Variants in PPM1F observed in about 807,000 individuals in gnomAD.
The protein encoded by PPM1F is protein phosphatase 1F.
A neutral mutation model predicts 35.5 loss-of-function variants in PPM1F; 17 were observed. That is an observed-to-expected ratio of 0.48 (90% CI 0.33 to 0.72). The LOEUF (loss-of-function observed/expected upper bound fraction) is 0.72, where lower values mean the gene tolerates loss of function less well. Among genes scored for constraint, PPM1F ranks in the 30% least tolerant of loss-of-function variants. The pLI, the probability that PPM1F is intolerant of heterozygous loss-of-function variation, is 0.02. For synonymous variants in PPM1F, 241 were observed against 255.5 expected, an observed-to-expected ratio of 0.94 and a Z score of 0.54; for missense variants, 521 against 613.0, an observed-to-expected ratio of 0.85 and a Z score of 1.59.
At chr22:21,947,265 T>G (rs1010026987) in intron 1 of PPM1F, 3 of 152,652 alleles carry the variant, frequency 2.0e-5, no homozygotes, top group African/African-American at 7.2e-5. Context: ...CCCCGGGGAT[T>G]CACCTCCAGG....
At chr22:21,944,799 G>A (rs1026053108) in intron 2 of PPM1F, 2 of 152,264 alleles carry the variant, frequency 1.3e-5, no homozygotes, top group Non-Finnish European at 2.9e-5. Context: ...GGTCTTCCAA[G>A]GAAAGGACCT....
At chr22:21,935,113 T>C (rs1601784781) in intron 3 of PPM1F, 2 of 152,274 alleles carry the variant, frequency 1.3e-5, no homozygotes, top group South Asian at 2.1e-4. Context: ...AGCCTAGATG[T>C]CCTTCAACGT....
chr22:21,933,899 A>G (rs2070625687), intron 4 of PPM1F, 125 bp downstream of exon 4: 2 of 949,578 alleles, frequency 2.1e-6, no homozygotes, highest in East Asian at 5.3e-5. Flanking sequence ...CTGGGCAAGT[A>G]CAGGGGCTGA....
intron 3 of PPM1F, chr22:21,938,094 G>C (rs1177399093): frequency 1.2e-5 from 16 of 1,290,394 alleles, no homozygotes; most frequent in Non-Finnish European, 1.5e-5. Flanking sequence ...AGACGGGGAA[G>C]CAAGGGCAGG....
At chr22:21,947,840 C>G (rs1452804871) in intron 1 of PPM1F, 2 of 152,138 alleles carry the variant, frequency 1.3e-5, no homozygotes, top group Admixed American at 1.3e-4. Context: ...TTGGAACAAG[C>G]CTTCTGGAAG....
chr22:21,934,593 A>G (rs1282067909), intron 3 of PPM1F: 1 of 197,604 alleles, frequency 5.1e-6, no homozygotes, highest in African/African-American at 2.4e-5. Flanking sequence ...TTAAATTATG[A>G]TCTAGTCTCG....
In PPM1F at chr22:21,938,438, G is replaced by A. The variant is rs574214835; in HGVS notation, c.355+1094C>T. ...AATGCGGGCAGGGAGCCAGGGCGGAGGGCAGAGGACGAGAGCGAGGAGGAG... is the reference window on the plus strand; with the variant it reads ...AATGCGGGCAGGGAGCCAGGGCGGAAGGCAGAGGACGAGAGCGAGGAGGAG... On this transcript the variant is annotated intron_variant, in intron 3 of 7. Coordinates refer to ENST00000263212, the MANE Select transcript of PPM1F (RefSeq NM_014634.4). The A allele has an allele frequency of 1.6e-5, 19 of 1,153,072 alleles. No individual in the cohort carries two copies. In the Admixed American group the frequency reaches 5.8e-4, roughly 35 times the overall value. The allele number at this position is 1,153,072 out of a possible 1,614,324, so 71.4% of individuals were successfully genotyped here.
rs1299120264 is a variant in PPM1F at position 21,923,282 on chromosome 22, T to G, written c.1175A>C (p.Glu392Ala). The G allele has an allele frequency of 6.2e-7, 1 of 1,613,308 alleles. No individual in the cohort carries two copies. Among genetic ancestry groups the G allele is most frequent in the Non-Finnish European group, 8.5e-7 (1 of 1,179,900 alleles). ...QQGSGLRVAE[E>A]LVAAARERGS... ...CCGCTCCCGGGCCGCAGCCACCAGCTCCTCGGCGACACGGAGCCCGCTGCC... is the reference window on the plus strand; with the variant it reads ...CCGCTCCCGGGCCGCAGCCACCAGCGCCTCGGCGACACGGAGCCCGCTGCC... Residue 392 changes from glutamate (E) to alanine (A), a missense_variant, in exon 8 of 8, where the codon GAG (glutamate) becomes GCG (alanine). Physicochemically the swap from Glu to Ala is moderately radical, Grantham distance 107. Around this residue, in one of 3 missense-constraint regions of PPM1F, gnomAD observed 163 missense variants for 169.6 expected, o/e 0.96. Transcript: ENST00000263212.
chr22:21,944,401 T>C (rs1025269900), intron 2 of PPM1F: 1 of 152,064 alleles, frequency 6.6e-6, no homozygotes, highest in Non-Finnish European at 1.5e-5. Context: ...AGGCCCTTGG[T>C]GGGTGTCAGG....
Position 21,923,260 on chromosome 22 carries a change from C to T in PPM1F, c.1197G>A (p.Glu399=), listed in dbSNP as rs2070469162. ...VAEELVAAAR[E]RGSHDNITVM... is the part of the protein sequence containing the mutation. ...CCGTGATGTTGTCGTGGGAGCCCCG[C>T]TCCCGGGCCGCAGCCACCAGCTCCT... is the stretch of plus-strand genomic sequence containing the variant. The change falls in exon 8 of 8, where the codon GAG becomes GAA. Residue 399 remains glutamate (E), a synonymous_variant. Transcript: ENST00000263212. 1 of 1,613,314 alleles carries T rather than the reference C, an allele frequency of 6.2e-7. No individual in the cohort carries two copies. The highest frequency in any genetic ancestry group is 1.3e-5 in the African/African-American group (1 of 74,914).
intron 2 of PPM1F, chr22:21,945,462 A>G: frequency 4.4e-6 from 1 of 229,842 alleles, no homozygotes; most frequent in South Asian, 5.2e-5. Context: ...ACAGACACAC[A>G]CATGGGGAGA....
At chr22:21,932,288 T>C (rs1024260015) in intron 5 of PPM1F, among the ~76,000 whole-genome samples, 2 of 152,204 alleles carry the variant, frequency 1.3e-5, no homozygotes, top group African/African-American at 4.8e-5. Flanking sequence ...AGAGAATCCC[T>C]TTTCTACTCT....
At chr22:21,931,598 C>T (rs1157884544) in intron 5 of PPM1F, among the ~76,000 whole-genome samples, 4 of 152,138 alleles carry the variant, frequency 2.6e-5, no homozygotes, top group South Asian at 2.1e-4. Context: ...GTGCAACCTC[C>T]GCCTCCCGGG....
intron 3 of PPM1F, among the ~76,000 whole-genome samples, chr22:21,937,507 C>T (rs1386298886): frequency 1.3e-5 from 2 of 152,186 alleles, no homozygotes; most frequent in Admixed American, 6.5e-5. Context: ...CAAGTTTGGC[C>T]AGTGGATCCC....
chr22:21,936,014 C>T (rs760929755), intron 3 of PPM1F: 4 of 151,858 alleles, frequency 2.6e-5, no homozygotes, highest in Non-Finnish European at 4.4e-5. Context: ...CAACACCAAA[C>T]CAAAAAAAAT....
chr22:21,937,042 G>A (rs1471972690), intron 3 of PPM1F: 1 of 152,230 alleles, frequency 6.6e-6, no homozygotes, highest in South Asian at 2.1e-4. Flanking sequence ...TGGCTTCAGG[G>A]ACTCATGTCA....
At chr22:21,928,964 TC>T (rs1490019342) in intron 6 of PPM1F, among the ~76,000 whole-genome samples, 5 of 152,144 alleles carry the variant, frequency 3.3e-5, no homozygotes, top group Non-Finnish European at 1.5e-5. Context: ...GAGTGGGCAC[TC>T]AGTGTTTGGA....
intron 3 of PPM1F, 125 bp from the exon 4 acceptor site, chr22:21,934,351 A>C: frequency 1.4e-6 from 1 of 726,866 alleles, no homozygotes; most frequent in East Asian, 2.8e-5. Flanking sequence ...CATTGTGAGC[A>C]CATCAACTCA....
chr22:21,932,071 G>A (rs957540879), intron 5 of PPM1F, among the ~76,000 whole-genome samples: 1 of 151,998 alleles, frequency 6.6e-6, no homozygotes, highest in African/African-American at 2.4e-5. Flanking sequence ...ACCCACCTCA[G>A]CCTCCCAAAG....
Sources: gnomAD v4.1 joint callset for allele counts (sites outside exome capture counted in the v4.1 genomes callset) on GRCh38, gnomAD v4.1.1 for gene constraint, gnomAD v4.1.1 regional missense constraint, MANE v1.5 for transcripts, NCBI Gene and HGNC (gene_info 2026-07-23, HGNC 2026-07-21) for gene names.